The following HTR1F variants were observed in gnomAD, a reference collection of about 807,000 sequenced individuals.
HTR1F encodes the protein 5-hydroxytryptamine receptor 1F.
A neutral mutation model predicts 24.0 loss-of-function variants in HTR1F; 17 were observed. The ratio of observed to expected loss-of-function variants is 0.71; its 90% CI spans 0.48 to 1.06. HTR1F has a LOEUF of 1.06. Among genes scored for constraint, HTR1F ranks in the 50% least tolerant of loss-of-function variants. The pLI is 0.00. For missense variants in HTR1F, 391 were observed against 427.8 expected (o/e 0.91, Z 0.76); for synonymous variants, 186 against 156.8 (o/e 1.19, Z -1.39).
chr3:87,825,611 T>C (rs1450033460), intron 2 of HTR1F, among the ~76,000 whole-genome samples: 1 of 152,184 alleles, frequency 6.6e-6, no homozygotes, highest in African/African-American at 2.4e-5. Context: ...ATTTCTGGGA[T>C]TTATGCTGTT....
rs1408338138 is a variant in HTR1F at position 87,795,206 on chromosome 3, G to A, written c.-160+2364G>A. Among the ~76,000 whole-genome samples the A allele has an allele frequency of 5.9e-5, 9 of 152,094 alleles. 1 individual carries two copies. Among genetic ancestry groups the A allele is most frequent in the Non-Finnish European group, 8.8e-5 (6 of 67,988 alleles). Reference sequence around the variant, plus strand: ...TCACCATGTTGGCCAGGATGGTCTCGATCTCCTGACCTCGTGATCTGCCCG... The same window carrying A: ...TCACCATGTTGGCCAGGATGGTCTCAATCTCCTGACCTCGTGATCTGCCCG... On this transcript the variant is annotated intron_variant, in intron 1 of 2. Coordinates refer to ENST00000319595, the MANE Select transcript of HTR1F (RefSeq NM_001322209.2).
chr3:87,859,546 C>G (rs944996342), intron 2 of HTR1F, among the ~76,000 whole-genome samples: 1 of 152,216 alleles, frequency 6.6e-6, no homozygotes, highest in Non-Finnish European at 1.5e-5. Context: ...CTTATATTAC[C>G]TATGTGTCCT....
In HTR1F at chr3:87,815,289, A is replaced by AATAT. The variant is rs113697106; in HGVS notation, c.-159-6706_-159-6703dup. Among the ~76,000 whole-genome samples, 431 of 149,970 alleles carry AATAT rather than the reference A, an allele frequency of 2.9e-3. 2 individuals carry two copies. The highest frequency in any genetic ancestry group is 0.01 in the African/African-American group (415 of 41,080). Reference sequence around the variant, plus strand: ...GATTTAGAACATTGTGGGTGAATCAAATATATATATATATATGAACTGATA... The same window carrying AATAT: ...GATTTAGAACATTGTGGGTGAATCAAATATATATATATATATATATGAACTGATA... On this transcript the variant is annotated intron_variant, in intron 1 of 2. Transcript: ENST00000319595.
At chr3:87,973,898 G>A (rs1705339134) in intron 2 of HTR1F, among the ~76,000 whole-genome samples, 1 of 152,190 alleles carries the variant, frequency 6.6e-6, no homozygotes. Flanking sequence ...TATTTATAAA[G>A]ATGTGGTGTG....
chr3:87,911,290 G>T (rs184349744), intron 2 of HTR1F, among the ~76,000 whole-genome samples: 1 of 151,830 alleles, frequency 6.6e-6, no homozygotes, highest in Non-Finnish European at 1.5e-5. Flanking sequence ...GGATGTTACC[G>T]CTGACCACAC....
In HTR1F at chr3:87,991,041, A is replaced by AT. The variant is rs1277962468; in HGVS notation, c.295dup (p.Trp99LeufsTer5). 5 of 1,613,954 alleles carry AT rather than the reference A, an allele frequency of 3.1e-6. No individual in the cohort carries two copies. The highest frequency in any genetic ancestry group is 1.3e-5 in the African/African-American group (1 of 74,912). On this transcript the variant is annotated frameshift_variant, in exon 3 of 3. Coordinates refer to ENST00000319595, the MANE Select transcript of HTR1F (RefSeq NM_001322209.2). LOFTEE classifies it high-confidence loss of function. Reference sequence around the variant, plus strand: ...GATTATGGGGCAAGTGGTCTGTGACATTTGGCTGAGTGTTGACATTACCTG... The same window carrying AT: ...GATTATGGGGCAAGTGGTCTGTGACATTTTGGCTGAGTGTTGACATTACCTG...
chr3:87,815,507 T>C (rs1012642701), intron 1 of HTR1F, among the ~76,000 whole-genome samples: 1 of 152,090 alleles, frequency 6.6e-6, no homozygotes, highest in African/African-American at 2.4e-5. Flanking sequence ...GACGGCTTTA[T>C]TTATGTTTTT....
At chr3:87,909,970 C>T (rs964121217) in intron 2 of HTR1F, among the ~76,000 whole-genome samples, 2 of 152,002 alleles carry the variant, frequency 1.3e-5, no homozygotes, top group Admixed American at 6.6e-5. Flanking sequence ...ACAGATTAAT[C>T]TATTCTTAAT....
At chr3:87,951,763 A>G (rs1382954839) in intron 2 of HTR1F, among the ~76,000 whole-genome samples, 1 of 152,042 alleles carries the variant, frequency 6.6e-6, no homozygotes, top group Non-Finnish European at 1.5e-5. Flanking sequence ...ATGGACATAT[A>G]TATCCATCAT....
chr3:87,984,712 C>T (rs1251909909), intron 2 of HTR1F, among the ~76,000 whole-genome samples: 2 of 152,130 alleles, frequency 1.3e-5, no homozygotes, highest in African/African-American at 4.8e-5. Context: ...CCCACCTTGG[C>T]CTCCCAAAGT....
intron 2 of HTR1F, among the ~76,000 whole-genome samples, chr3:87,887,702 C>A (rs1386436963): frequency 6.6e-6 from 1 of 152,172 alleles, no homozygotes; most frequent in East Asian, 1.9e-4. Context: ...ATTTATGCAG[C>A]CAAAAGACAC....
chr3:87,830,264 G>A (rs1352377153), intron 2 of HTR1F, among the ~76,000 whole-genome samples: 1 of 151,988 alleles, frequency 6.6e-6, no homozygotes, highest in Admixed American at 6.5e-5. Context: ...TGGTGTAAAA[G>A]GTAGAACAGT....
chr3:87,876,175 G>T (rs1309452487), intron 2 of HTR1F, among the ~76,000 whole-genome samples: 1 of 152,150 alleles, frequency 6.6e-6, no homozygotes, highest in Non-Finnish European at 1.5e-5. Context: ...CAGTGTAACT[G>T]CTCTGGAAAG....
intron 2 of HTR1F, among the ~76,000 whole-genome samples, chr3:87,871,505 A>G (rs1300905254): frequency 6.6e-6 from 1 of 152,152 alleles, no homozygotes; most frequent in African/African-American, 2.4e-5. Context: ...AAGAAACAAT[A>G]TCTGACATCT....
At chr3:87,867,167 C>T (rs1244368538) in intron 2 of HTR1F, among the ~76,000 whole-genome samples, 1 of 151,886 alleles carries the variant, frequency 6.6e-6, no homozygotes, top group African/African-American at 2.4e-5. Context: ...TCTTCAAACT[C>T]ATTCCTTCCT....
chr3:87,889,846 G>C lies in HTR1F; in HGVS notation c.-43+67722G>C, dbSNP rs111513402. Among the ~76,000 whole-genome samples the C allele has an allele frequency of 6.6e-3, 1,008 of 152,270 alleles. 10 individuals are homozygous for C. The highest frequency in any genetic ancestry group is 0.052 in the South Asian group (251 of 4,820). On this transcript the variant is annotated intron_variant, in intron 2 of 2. Coordinates refer to ENST00000319595, the MANE Select transcript of HTR1F (RefSeq NM_001322209.2). Reference sequence around the variant, plus strand: ...AGATTAATAATTTAACTGTCATTTAGACATGATAGCTTTTGAGTTTAGATC... The same window carrying C: ...AGATTAATAATTTAACTGTCATTTACACATGATAGCTTTTGAGTTTAGATC...
chr3:87,818,269 A>G (rs142780164), intron 1 of HTR1F, among the ~76,000 whole-genome samples: 28 of 152,294 alleles, frequency 1.8e-4, no homozygotes, highest in African/African-American at 6.3e-4. Flanking sequence ...TAGATACCAG[A>G]GAGTTTTAAA....
At chr3:87,861,611 A>T (rs1184243689) in intron 2 of HTR1F, among the ~76,000 whole-genome samples, 2 of 152,108 alleles carry the variant, frequency 1.3e-5, no homozygotes, top group African/African-American at 4.8e-5. Flanking sequence ...TACAGTCCTT[A>T]TTATACATGA....
chr3:87,886,427 G>T (rs1458759782), intron 2 of HTR1F, among the ~76,000 whole-genome samples: 6 of 152,118 alleles, frequency 3.9e-5, no homozygotes, highest in Non-Finnish European at 8.8e-5. Flanking sequence ...TTGAAAACTG[G>T]CACAAGACAG....
Sources: gnomAD v4.1 joint callset for allele counts (sites outside exome capture counted in the v4.1 genomes callset) on GRCh38, gnomAD v4.1.1 for gene constraint, MANE v1.5 for transcripts, NCBI Gene and HGNC (gene_info 2026-07-23, HGNC 2026-07-21) for gene names.